CDH18: variants seen among roughly 807,000 people sequenced by gnomAD.
CDH18 encodes the protein cadherin 18.
A neutral mutation model predicts 67.9 loss-of-function variants in CDH18; 31 were observed. The ratio of observed to expected loss-of-function variants is 0.46; its 90% CI spans 0.34 to 0.62. CDH18 has a LOEUF of 0.62. Ranked by LOEUF, CDH18 falls within the 20% of genes least tolerant of loss-of-function variation. The pLI, the probability that CDH18 is intolerant of heterozygous loss-of-function variation, is 0.01. For synonymous variants in CDH18, 362 were observed against 347.2 expected, an observed-to-expected ratio of 1.04 and a Z score of -0.48; for missense variants, 890 against 975.5, an observed-to-expected ratio of 0.91 and a Z score of 1.17.
chr5:20,159,765 C>T (rs1011127920), intron 2 of CDH18, among the ~76,000 whole-genome samples: 3 of 152,066 alleles, frequency 2.0e-5, no homozygotes, highest in African/African-American at 7.2e-5. Context: ...ATTACTTAAT[C>T]GGCAAGCTGC....
chr5:19,481,179 C>T (rs1739358615), intron 12 of CDH18, among the ~76,000 whole-genome samples: 1 of 152,142 alleles, frequency 6.6e-6, no homozygotes, highest in Admixed American at 6.6e-5. Flanking sequence ...TTAGTGATCA[C>T]ATTGTAGTTT....
chr5:19,603,320 A>G (rs1245660885), intron 6 of CDH18, among the ~76,000 whole-genome samples: 1 of 152,284 alleles, frequency 6.6e-6, no homozygotes, highest in East Asian at 1.9e-4. Flanking sequence ...TAAAATTCAT[A>G]GAGATAGAAA....
At chr5:20,348,335 TTACAA>T (rs1740880056) in intron 1 of CDH18, among the ~76,000 whole-genome samples, 1 of 152,112 alleles carries the variant, frequency 6.6e-6, no homozygotes, top group African/African-American at 2.4e-5. Flanking sequence ...TTGTAGACAA[TTACAA>T]TACAAGAGAA....
At chr5:20,539,588 G>A (rs932272145) in intron 1 of CDH18, among the ~76,000 whole-genome samples, 8 of 152,118 alleles carry the variant, frequency 5.3e-5, no homozygotes, top group African/African-American at 1.9e-4. Flanking sequence ...TTGAACATTT[G>A]AGAAAGAGGT....
At chr5:20,245,790 C>T (rs1372912179) in intron 2 of CDH18, among the ~76,000 whole-genome samples, 2 of 152,084 alleles carry the variant, frequency 1.3e-5, no homozygotes, top group South Asian at 2.1e-4. Context: ...TATTTGTTGT[C>T]ACTCCTTGGA....
intron 2 of CDH18, among the ~76,000 whole-genome samples, chr5:20,162,879 C>T (rs1034425983): frequency 3.3e-5 from 5 of 151,632 alleles, no homozygotes; most frequent in Non-Finnish European, 5.9e-5. Flanking sequence ...GCCAGCATGA[C>T]GAAATCCAGT....
chr5:20,407,081 C>T (rs2150137763), intron 1 of CDH18, among the ~76,000 whole-genome samples: 1 of 152,204 alleles, frequency 6.6e-6, no homozygotes, highest in Non-Finnish European at 1.5e-5. Flanking sequence ...TGATGAGATC[C>T]CATATACACT....
chr5:20,177,573 A>G (rs115451945), intron 2 of CDH18, among the ~76,000 whole-genome samples: 298 of 152,142 alleles, frequency 2.0e-3, no homozygotes, highest in African/African-American at 6.7e-3. Context: ...TTCGTCAAAC[A>G]TTATTCTAGG....
intron 2 of CDH18, among the ~76,000 whole-genome samples, chr5:20,205,714 C>T (rs1398938113): frequency 2.0e-5 from 3 of 151,730 alleles, no homozygotes; most frequent in Non-Finnish European, 4.4e-5. Context: ...AAAGGAAACT[C>T]AGAAACTACA....
At chr5:20,172,214 A>ATATATACACGTATATATATATATACG (rs1561848553) in intron 2 of CDH18, among the ~76,000 whole-genome samples, 4 of 32,848 alleles carry the variant, frequency 1.2e-4, no homozygotes, top group African/African-American at 2.5e-4. Flanking sequence ...ATATATATAT[A>ATATATACACGTATATATATATATACG]TATATATATG....
intron 5 of CDH18, among the ~76,000 whole-genome samples, chr5:19,618,144 TGA>T (rs1379529639): frequency 6.6e-6 from 1 of 151,920 alleles, no homozygotes; most frequent in Non-Finnish European, 1.5e-5. Flanking sequence ...CACATATTTA[TGA>T]GAGAAAGTGG....
chr5:19,588,754 T>A (rs774011594), intron 7 of CDH18, among the ~76,000 whole-genome samples: 8 of 151,950 alleles, frequency 5.3e-5, no homozygotes, highest in Non-Finnish European at 8.8e-5. Flanking sequence ...GCAATCCTAG[T>A]TTCTGACAGA....
chr5:19,656,119 C>T (rs1413296474), intron 5 of CDH18, among the ~76,000 whole-genome samples: 2 of 150,932 alleles, frequency 1.3e-5, no homozygotes, highest in Admixed American at 6.6e-5. Context: ...CTTAGAGTTA[C>T]CTTCCATGCA....
At chr5:19,804,399 C>T (rs1465758216) in intron 3 of CDH18, among the ~76,000 whole-genome samples, 3 of 152,096 alleles carry the variant, frequency 2.0e-5, no homozygotes, top group African/African-American at 7.2e-5. Flanking sequence ...CCTAGGTAAT[C>T]CTTTCTATAA....
chr5:20,060,787 T>A (rs531923774), intron 2 of CDH18, among the ~76,000 whole-genome samples: 5 of 152,110 alleles, frequency 3.3e-5, no homozygotes, highest in Non-Finnish European at 5.9e-5. Flanking sequence ...CCCAATTCTA[T>A]ATAAGTGAAG....
chr5:19,694,873 C>CA (rs35511726), intron 5 of CDH18, among the ~76,000 whole-genome samples: 119,265 of 141,248 alleles, frequency 0.84, 51,170 homozygotes, highest in East Asian at 0.99. Flanking sequence ...GACTCTGTCT[C>CA]AAAAAAAAAA....
At chr5:19,634,747 G>C (rs1313574701) in intron 5 of CDH18, among the ~76,000 whole-genome samples, 2 of 151,966 alleles carry the variant, frequency 1.3e-5, no homozygotes, top group African/African-American at 4.8e-5. Flanking sequence ...AGACCACCTT[G>C]ACCAAAATGG....
At chr5:20,038,333 A>G (rs1020450241) in intron 2 of CDH18, among the ~76,000 whole-genome samples, 1 of 152,116 alleles carries the variant, frequency 6.6e-6, no homozygotes, top group African/African-American at 2.4e-5. Context: ...AGAGGGACTC[A>G]TCCCTAACTC....
intron 2 of CDH18, among the ~76,000 whole-genome samples, chr5:20,052,865 A>AAAATC (rs1202723733): frequency 6.6e-6 from 1 of 152,082 alleles, no homozygotes; most frequent in East Asian, 1.9e-4. Flanking sequence ...CTCTTGGGGG[A>AAAATC]AAATCATGTA....
Sources: gnomAD v4.1 joint callset for allele counts (sites outside exome capture counted in the v4.1 genomes callset) on GRCh38, gnomAD v4.1.1 for gene constraint, MANE v1.5 for transcripts, NCBI Gene and HGNC (gene_info 2026-07-23, HGNC 2026-07-21) for gene names.